The following ARHGAP15 variants were observed in gnomAD, a reference collection of about 807,000 sequenced individuals.
ARHGAP15 encodes Rho GTPase activating protein 15, also known as rho GTPase-activating protein 15.
Under a neutral mutation model 63.7 loss-of-function variants are expected in ARHGAP15, and 51 were observed. The ratio of observed to expected loss-of-function variants is 0.80; its 90% CI spans 0.64 to 1.01. ARHGAP15 has a LOEUF of 1.01. Ranked by LOEUF, ARHGAP15 falls within the 50% of genes least tolerant of loss-of-function variation. The probability of loss-of-function intolerance (pLI) is 0.00; values close to 1 mark genes in which losing one functional copy is unlikely to be tolerated. For missense variants in ARHGAP15, 560 were observed against 564.6 expected (o/e 0.99, Z 0.08); for synonymous variants, 191 against 193.8 (o/e 0.99, Z 0.12).
At chr2:143,753,221 G>A (rs1559161310) in intron 13 of ARHGAP15, among the ~76,000 whole-genome samples, 1 of 152,166 alleles carries the variant, frequency 6.6e-6, no homozygotes, top group Admixed American at 6.5e-5. Context: ...TGCAATTGAG[G>A]CAAACCGTGA....
At chr2:143,467,730 G>C (rs919869305) in intron 8 of ARHGAP15, among the ~76,000 whole-genome samples, 1 of 151,938 alleles carries the variant, frequency 6.6e-6, no homozygotes, top group Non-Finnish European at 1.5e-5. Context: ...TTTAAAAGAA[G>C]AACAAGATTT....
At chr2:143,291,452 G>C (rs201839667) in intron 6 of ARHGAP15, among the ~76,000 whole-genome samples, 2 of 151,282 alleles carry the variant, frequency 1.3e-5, no homozygotes, top group African/African-American at 2.4e-5. Flanking sequence ...ATTTGTGTGT[G>C]TTCTAATGCT....
intron 12 of ARHGAP15, among the ~76,000 whole-genome samples, chr2:143,689,146 C>T (rs918028704): frequency 9.9e-5 from 15 of 152,072 alleles, no homozygotes; most frequent in African/African-American, 3.4e-4. Context: ...TCTGGGAAAA[C>T]TTCTCTGGTT....
chr2:143,752,048 A>G (rs779900190), intron 13 of ARHGAP15, among the ~76,000 whole-genome samples: 3 of 152,186 alleles, frequency 2.0e-5, no homozygotes, highest in Non-Finnish European at 4.4e-5. Context: ...ATTTTGTTCC[A>G]GAGGATGCTA....
chr2:143,290,645 T>C (rs952176128), intron 6 of ARHGAP15, among the ~76,000 whole-genome samples: 1 of 152,282 alleles, frequency 6.6e-6, no homozygotes, highest in African/African-American at 2.4e-5. Flanking sequence ...TTTTAGCCCA[T>C]GCACTTTCAA....
chr2:143,146,291 A>G (rs997425947), intron 1 of ARHGAP15, among the ~76,000 whole-genome samples: 2 of 152,098 alleles, frequency 1.3e-5, no homozygotes, highest in African/African-American at 2.4e-5. Context: ...GATCTTAAAA[A>G]CAAGCAAAAG....
chr2:143,273,061 G>GTA (rs1681373722), intron 6 of ARHGAP15, among the ~76,000 whole-genome samples: 1 of 151,612 alleles, frequency 6.6e-6, no homozygotes, highest in Admixed American at 6.6e-5. Flanking sequence ...TTGTTCTTGT[G>GTA]TCTTTTCAAT....
intron 8 of ARHGAP15, among the ~76,000 whole-genome samples, chr2:143,468,661 A>T (rs62172155): frequency 0.26 from 34,512 of 133,614 alleles, 4,947 homozygotes; most frequent in African/African-American, 0.4. Context: ...AGAGAGAGAG[A>T]GAGTGTGTGT....
rs1040640830 is a variant in ARHGAP15, at chr2:143,441,440, G to A, written c.703+4398G>A. ...TGCCATTCAGAAATTCAAGTTGATG[G>A]GAAGGATTCAGCATTAGCCATCTCA... On this transcript the variant is annotated intron_variant, in intron 8 of 13. Coordinates refer to ENST00000295095, the MANE Select transcript of ARHGAP15 (RefSeq NM_018460.4). 9.2e-5 allele frequency among the ~76,000 whole-genome samples: 14 copies of A among 152,184 alleles called. No homozygotes were observed. The East Asian group carries it at 2.5e-3, about 27-fold the overall frequency.
intron 10 of ARHGAP15, among the ~76,000 whole-genome samples, chr2:143,541,927 TGCAGAGG>T (rs1330589527): frequency 2.0e-5 from 3 of 152,218 alleles, no homozygotes; most frequent in African/African-American, 7.2e-5. Flanking sequence ...CCTTTAAGTC[TGCAGAGG>T]TTATTGCTGT....
At chr2:143,458,126 C>T (rs1054674914) in intron 8 of ARHGAP15, among the ~76,000 whole-genome samples, 15 of 152,108 alleles carry the variant, frequency 9.9e-5, no homozygotes, top group African/African-American at 3.6e-4. Flanking sequence ...ATAAGAAAAA[C>T]TAGAATATTT....
At chr2:143,522,558 A>G (rs143544807) in intron 10 of ARHGAP15, among the ~76,000 whole-genome samples, 1 of 152,244 alleles carries the variant, frequency 6.6e-6, no homozygotes, top group African/African-American at 2.4e-5. Flanking sequence ...ATCATCTGAC[A>G]CTATTTTGGA....
chr2:143,451,046 G>T (rs1310935164), intron 8 of ARHGAP15, among the ~76,000 whole-genome samples: 2 of 151,874 alleles, frequency 1.3e-5, no homozygotes, highest in Non-Finnish European at 2.9e-5. Context: ...TCTCTCTAAA[G>T]ATTTGTAGTA....
At chr2:143,320,952 G>A (rs1339034533) in intron 6 of ARHGAP15, among the ~76,000 whole-genome samples, 1 of 152,138 alleles carries the variant, frequency 6.6e-6, no homozygotes, top group Non-Finnish European at 1.5e-5. Flanking sequence ...GTTCCTAGCT[G>A]TAACACCACC....
intron 9 of ARHGAP15, among the ~76,000 whole-genome samples, chr2:143,493,556 A>T (rs766829168): frequency 6.6e-6 from 1 of 151,746 alleles, no homozygotes; most frequent in Non-Finnish European, 1.5e-5. Flanking sequence ...CCAGAGTTTC[A>T]TTTTTTTCTT....
chr2:143,575,907 G>T (rs1381061162), intron 11 of ARHGAP15, among the ~76,000 whole-genome samples: 1 of 151,968 alleles, frequency 6.6e-6, no homozygotes, highest in African/African-American at 2.4e-5. Flanking sequence ...CTTATTCTGG[G>T]GGCAAAAGGG....
intron 11 of ARHGAP15, among the ~76,000 whole-genome samples, chr2:143,577,536 C>T (rs929675552): frequency 1.3e-5 from 2 of 151,984 alleles, no homozygotes; most frequent in African/African-American, 4.8e-5. Flanking sequence ...AAGGCCTAAC[C>T]TCTCTCGGTC....
chr2:143,596,678 T>C (rs1697530436), intron 11 of ARHGAP15, among the ~76,000 whole-genome samples: 1 of 152,162 alleles, frequency 6.6e-6, no homozygotes, highest in Admixed American at 6.6e-5. Flanking sequence ...CAAATGGTTA[T>C]CCTTACTTGT....
At chr2:143,480,360 AG>A (rs1203708148) in intron 8 of ARHGAP15, among the ~76,000 whole-genome samples, 4 of 152,232 alleles carry the variant, frequency 2.6e-5, no homozygotes, top group Non-Finnish European at 2.9e-5. Context: ...GCAGTCTAAA[AG>A]TAAACATTTT....
Sources: allele counts gnomAD v4.1 joint callset (sites outside exome capture counted in the v4.1 genomes callset), GRCh38; gene constraint gnomAD v4.1.1; transcripts MANE v1.5; gene names NCBI Gene and HGNC (gene_info 2026-07-23, HGNC 2026-07-21).